Variants in STXBP5L observed in about 807,000 individuals in gnomAD.
The protein encoded by STXBP5L is syntaxin binding protein 5L.
Under a neutral mutation model 144.5 loss-of-function variants are expected in STXBP5L, and 65 were observed. The ratio of observed to expected loss-of-function variants is 0.45; its 90% CI spans 0.37 to 0.55. STXBP5L has a LOEUF of 0.55. Ranked by LOEUF, STXBP5L falls within the 20% of genes least tolerant of loss-of-function variation. The probability of loss-of-function intolerance (pLI) is 0.00; values close to 1 mark genes in which losing one functional copy is unlikely to be tolerated. For missense variants in STXBP5L, 1,298 were observed against 1,405.5 expected (o/e 0.92, Z 1.22); for synonymous variants, 505 against 469.6 (o/e 1.08, Z -0.97).
rs766181930 is a variant in STXBP5L at position 121,378,825 on chromosome 3, A to G, written c.2286A>G (p.Pro762=). The change falls in exon 21 of 27, where the codon CCA becomes CCG. Residue 762 remains proline, a synonymous_variant. Transcript: ENST00000471454. ...SKVNRWGPGR[P]PFRKAQSAAC... is the part of the protein sequence containing the mutation. ...TAAATCGCTGGGGTCCTGGAAGACC[A>G]CCATTTCGAAAGGCCCAGTCAGCAG... The G allele has an allele frequency of 3.8e-5, 62 of 1,613,640 alleles. No individual in the cohort carries two copies. The highest frequency in any genetic ancestry group is 5.2e-5 in the Non-Finnish European group (61 of 1,179,844).
Position 121,413,143 on chromosome 3 carries a change from C to A in STXBP5L, c.2949-15C>A, listed in dbSNP as rs760524756. ...AACCTGCATATGATATATGGATTTA[C>A]TTTTTTCCATTCAGCCTACCTAGTC... On this transcript the variant is annotated splice_polypyrimidine_tract_variant and intron_variant, in intron 23 of 26. Coordinates refer to ENST00000471454, the MANE Select transcript of STXBP5L (RefSeq NM_001308330.2). The A allele has an allele frequency of 1.3e-6, 2 of 1,553,898 alleles. No homozygotes were observed. Among genetic ancestry groups the A allele is most frequent in the Non-Finnish European group, 1.7e-6 (2 of 1,153,430 alleles).
intron 3 of STXBP5L, among the ~76,000 whole-genome samples, chr3:121,017,129 T>A (rs981457047): frequency 6.6e-6 from 1 of 152,220 alleles, no homozygotes; most frequent in Non-Finnish European, 1.5e-5. Context: ...AAGGCTCATT[T>A]AGCATTAAAA....
intron 3 of STXBP5L, among the ~76,000 whole-genome samples, chr3:120,975,858 G>C (rs1256718707): frequency 6.6e-6 from 1 of 152,026 alleles, no homozygotes; most frequent in Non-Finnish European, 1.5e-5. Context: ...ATTGATTTGT[G>C]TATATTGAAC....
chr3:121,236,327 T>C (rs1357705806), intron 12 of STXBP5L, among the ~76,000 whole-genome samples: 1 of 152,190 alleles, frequency 6.6e-6, no homozygotes, highest in African/African-American at 2.4e-5. Context: ...CCTTTTATAT[T>C]GTTATAAAGG....
At chr3:120,986,944 T>G (rs554786547) in intron 3 of STXBP5L, among the ~76,000 whole-genome samples, 1 of 152,056 alleles carries the variant, frequency 6.6e-6, no homozygotes, top group African/African-American at 2.4e-5. Context: ...AAGGGACCTG[T>G]GGGACACCAT....
intron 9 of STXBP5L, among the ~76,000 whole-genome samples, chr3:121,170,695 A>G (rs575670212): frequency 6.6e-6 from 1 of 152,352 alleles, no homozygotes; most frequent in South Asian, 2.1e-4. Flanking sequence ...TTGAGGCAGT[A>G]ATTATTAGCC....
At chr3:120,981,640 C>G (rs1408912565) in intron 3 of STXBP5L, among the ~76,000 whole-genome samples, 1 of 152,116 alleles carries the variant, frequency 6.6e-6, no homozygotes, top group African/African-American at 2.4e-5. Flanking sequence ...TCTTATTGAG[C>G]TTTCATACCA....
rs999855177 is a variant in STXBP5L at position 121,149,027 on chromosome 3, A to G, written c.670-3450A>G. ...AGGTAACAGTAGCCTATGGTGTTAGAAGTCAGGATAGTGGTTATTTTTAGA... is the reference window on the plus strand; with the variant it reads ...AGGTAACAGTAGCCTATGGTGTTAGGAGTCAGGATAGTGGTTATTTTTAGA... On this transcript the variant is annotated intron_variant, in intron 7 of 26. Coordinates refer to ENST00000471454, the MANE Select transcript of STXBP5L (RefSeq NM_001308330.2). Among the ~76,000 whole-genome samples, 3 of 152,198 alleles carry G rather than the reference A, an allele frequency of 2.0e-5. No homozygotes were observed. In the East Asian group the frequency reaches 5.8e-4, roughly 29 times the overall value.
At chr3:121,098,823 G>C (rs933858969) in intron 5 of STXBP5L, among the ~76,000 whole-genome samples, 1 of 152,108 alleles carries the variant, frequency 6.6e-6, no homozygotes, top group African/African-American at 2.4e-5. Context: ...TGTCTGTAGG[G>C]AGCATCCACT....
intron 5 of STXBP5L, among the ~76,000 whole-genome samples, chr3:121,059,730 AG>A (rs1375605067): frequency 6.6e-5 from 10 of 152,130 alleles, no homozygotes; most frequent in African/African-American, 2.4e-4. Flanking sequence ...TTATTCTGTT[AG>A]TAGCAATGGT....
At chr3:121,085,568 C>T (rs1010973505) in intron 5 of STXBP5L, among the ~76,000 whole-genome samples, 35 of 152,104 alleles carry the variant, frequency 2.3e-4, no homozygotes, top group African/African-American at 6.8e-4. Flanking sequence ...AATGAACTCC[C>T]ATTCACAATT....
intron 3 of STXBP5L, among the ~76,000 whole-genome samples, chr3:121,023,391 C>G (rs573032515): frequency 1.3e-5 from 2 of 152,212 alleles, no homozygotes; most frequent in East Asian, 1.9e-4. Flanking sequence ...CTAGAAAATA[C>G]AATCATAAAA....
chr3:121,092,447 T>C (rs1014167762), intron 5 of STXBP5L, among the ~76,000 whole-genome samples: 2 of 152,184 alleles, frequency 1.3e-5, no homozygotes, highest in Non-Finnish European at 2.9e-5. Flanking sequence ...TTAAGTTCAT[T>C]GAGCAGTGGT....
At chr3:120,942,021 G>A (rs1710590880) in intron 2 of STXBP5L, among the ~76,000 whole-genome samples, 1 of 151,746 alleles carries the variant, frequency 6.6e-6, no homozygotes, top group Non-Finnish European at 1.5e-5. Context: ...AATATTTTAT[G>A]TAGCAGTAAG....
At chr3:121,081,291 C>G (rs956395199) in intron 5 of STXBP5L, among the ~76,000 whole-genome samples, 5 of 151,724 alleles carry the variant, frequency 3.3e-5, no homozygotes, top group Admixed American at 3.3e-4. Flanking sequence ...TGTTTTTTAC[C>G]TTCCTCTGGT....
intron 20 of STXBP5L, among the ~76,000 whole-genome samples, chr3:121,331,444 C>T (rs1448273691): frequency 1.3e-5 from 2 of 152,154 alleles, no homozygotes; most frequent in African/African-American, 2.4e-5. Flanking sequence ...CAAGTTCAGG[C>T]TTGCATGAAA....
rs115662559 is a variant in STXBP5L, at chr3:121,275,710, T to C, written c.1959-4095T>C. On this transcript the variant is annotated intron_variant, in intron 18 of 26. Transcript: ENST00000471454. Reference sequence around the variant, plus strand: ...GGTTTTCATGAATTTTGAAGCTTTATTATAAGATGAATCCACATTTAGGAT... The same window carrying C: ...GGTTTTCATGAATTTTGAAGCTTTACTATAAGATGAATCCACATTTAGGAT... 8.2e-3 allele frequency among the ~76,000 whole-genome samples: 1,249 copies of C among 152,252 alleles called. 21 individuals carry two copies. The highest frequency in any genetic ancestry group is 0.028 in the African/African-American group (1,169 of 41,566).
At chr3:121,376,380 T>A (rs549545934) in intron 20 of STXBP5L, among the ~76,000 whole-genome samples, 2 of 152,342 alleles carry the variant, frequency 1.3e-5, no homozygotes, top group South Asian at 4.1e-4. Flanking sequence ...TAGGTTTGAG[T>A]CTTTAATCCA....
intron 20 of STXBP5L, among the ~76,000 whole-genome samples, chr3:121,338,391 C>A (rs1486079307): frequency 6.6e-6 from 1 of 151,804 alleles, no homozygotes; most frequent in Non-Finnish European, 1.5e-5. Context: ...CGCCTGTAAT[C>A]CCAGCACTTT....
Sources: gnomAD v4.1 joint callset for allele counts (sites outside exome capture counted in the v4.1 genomes callset) on GRCh38, gnomAD v4.1.1 for gene constraint, MANE v1.5 for transcripts, NCBI Gene and HGNC (gene_info 2026-07-23, HGNC 2026-07-21) for gene names.